DDR2: variants seen among roughly 807,000 people sequenced by gnomAD.
DDR2 encodes the protein discoidin domain-containing receptor 2.
A neutral mutation model predicts 94.9 loss-of-function variants in DDR2; 27 were observed. The ratio of observed to expected loss-of-function variants is 0.28; its 90% CI spans 0.21 to 0.39. DDR2 has a LOEUF of 0.39. DDR2 is among the 10% of genes least tolerant of loss of function. DDR2 has a pLI of 1.00. For missense variants in DDR2, 783 were observed against 1,076.0 expected (o/e 0.73, Z 3.81); for synonymous variants, 382 against 377.2 (o/e 1.01, Z -0.15).
At chr1:162,762,158 A>G (rs995016602) in intron 9 of DDR2, among the ~76,000 whole-genome samples, 1 of 151,938 alleles carries the variant, frequency 6.6e-6, no homozygotes, top group African/African-American at 2.4e-5. Context: ...TCTTTATTCT[A>G]TTTGCTCTGT....
At chr1:162,695,389 G>A (rs1270273728) in intron 2 of DDR2, among the ~76,000 whole-genome samples, 4 of 152,032 alleles carry the variant, frequency 2.6e-5, no homozygotes, top group African/African-American at 4.8e-5. Flanking sequence ...TAGCCACCAC[G>A]CCGGCTAATT....
intron 3 of DDR2, among the ~76,000 whole-genome samples, chr1:162,730,855 C>T (rs1662006399): frequency 6.6e-6 from 1 of 152,208 alleles, no homozygotes; most frequent in African/African-American, 2.4e-5. Flanking sequence ...GAGTGAGATA[C>T]ACTGCATGCT....
chr1:162,720,424 T>C (rs1346984111), intron 3 of DDR2, among the ~76,000 whole-genome samples: 1 of 150,782 alleles, frequency 6.6e-6, no homozygotes, highest in Non-Finnish European at 1.5e-5. Context: ...ATAAATACTC[T>C]TTGTGTCTGG....
chr1:162,710,733 A>T (rs965770957), intron 2 of DDR2, among the ~76,000 whole-genome samples: 2 of 150,030 alleles, frequency 1.3e-5, no homozygotes, highest in Non-Finnish European at 3.0e-5. Flanking sequence ...AATCTTCAAC[A>T]CACACAAATG....
intron 2 of DDR2, among the ~76,000 whole-genome samples, chr1:162,655,792 A>T (rs970168726): frequency 1.3e-5 from 2 of 152,120 alleles, no homozygotes; most frequent in Non-Finnish European, 2.9e-5. Context: ...TATTTTTAAC[A>T]ATTATTTTAT....
chr1:162,686,725 A>ATACCCAG (rs1659707745), intron 2 of DDR2, among the ~76,000 whole-genome samples: 1 of 152,178 alleles, frequency 6.6e-6, no homozygotes, highest in Admixed American at 6.5e-5. Context: ...TCCTTTCGAT[A>ATACCCAG]TATACCCAGT....
intron 2 of DDR2, among the ~76,000 whole-genome samples, chr1:162,663,482 T>C (rs138989043): frequency 6.6e-6 from 1 of 152,306 alleles, no homozygotes; most frequent in African/African-American, 2.4e-5. Context: ...TCCATGTAAG[T>C]AACAAAGAAC....
chr1:162,753,886 C>G (rs898863447), intron 4 of DDR2, among the ~76,000 whole-genome samples: 2 of 152,086 alleles, frequency 1.3e-5, no homozygotes, highest in Non-Finnish European at 1.5e-5. Flanking sequence ...TCCTGATGAA[C>G]CTTTCCCCTT....
At chr1:162,750,945 G>A (rs544695290) in intron 3 of DDR2, among the ~76,000 whole-genome samples, 6 of 152,300 alleles carry the variant, frequency 3.9e-5, no homozygotes, top group South Asian at 2.1e-4. Flanking sequence ...CTAGCCATAC[G>A]TAGAAAGCTG....
chr1:162,692,460 C>T (rs1267512197), intron 2 of DDR2, among the ~76,000 whole-genome samples: 1 of 152,092 alleles, frequency 6.6e-6, no homozygotes, highest in African/African-American at 2.4e-5. Flanking sequence ...GGACCTCTCA[C>T]AAATCAATAA....
At chr1:162,646,087 A>T (rs923281499) in intron 1 of DDR2, among the ~76,000 whole-genome samples, 2 of 152,358 alleles carry the variant, frequency 1.3e-5, no homozygotes, top group African/African-American at 4.8e-5. Flanking sequence ...CTATGTCCAG[A>T]TTGATCCTTG....
chr1:162,657,031 G>T, intron 2 of DDR2, among the ~76,000 whole-genome samples: 1 of 151,006 alleles, frequency 6.6e-6, no homozygotes. Flanking sequence ...TGGAGATGAG[G>T]GTCTCACTAT....
intron 15 of DDR2, 44 bp downstream of exon 15, chr1:162,775,887 G>A (rs1363843550): frequency 6.2e-7 from 1 of 1,609,868 alleles, no homozygotes. Flanking sequence ...GGTCATGAGA[G>A]TAACCTGGGA....
intron 15 of DDR2, 136 bp from the exon 16 acceptor site, chr1:162,776,000 C>A: frequency 3.1e-6 from 4 of 1,305,868 alleles, no homozygotes; most frequent in Non-Finnish European, 4.4e-6. Flanking sequence ...TTTGGGGAAA[C>A]GCAAGGGATT....
chr1:162,687,839 ACATATGCCAAG>A (rs1659761546), intron 2 of DDR2, among the ~76,000 whole-genome samples: 3 of 152,202 alleles, frequency 2.0e-5, no homozygotes, highest in African/African-American at 7.2e-5. Flanking sequence ...TATTTAGGGC[ACATATGCCAAG>A]CATTAATGGG....
At chr1:162,693,354 G>A (rs1168390555) in intron 2 of DDR2, among the ~76,000 whole-genome samples, 1 of 152,202 alleles carries the variant, frequency 6.6e-6, no homozygotes, top group Non-Finnish European at 1.5e-5. Context: ...GCTTCTGCAT[G>A]AAAGTATTAG....
Position 162,755,156 on chromosome 1 carries a change from G to T in DDR2, c.418G>T (p.Val140Leu), listed in dbSNP as rs756623313. The T allele has an allele frequency of 1.9e-5, 31 of 1,614,044 alleles. No homozygotes were observed. The South Asian group carries it at 3.4e-4, about 18-fold the overall frequency. The change falls in exon 6 of 18, where the codon GTG becomes TTG. Residue 140 changes from valine (V) to leucine (L), a missense_variant and splice_region_variant. Physicochemically the swap from Val to Leu is conservative, Grantham distance 32. Transcript: ENST00000367921. ...CACTCATTCTCTTCTCTCTCCTCAG[G>T]TGCTGGATGGAAATAGTAACCCCTA... ...ISWRNRHGKQVLDGNSNPYDI... is the reference protein window; with the variant it reads ...ISWRNRHGKQLLDGNSNPYDI...
chr1:162,768,012 TC>T, intron 11 of DDR2, among the ~76,000 whole-genome samples: 1 of 152,344 alleles, frequency 6.6e-6, no homozygotes, highest in Admixed American at 6.5e-5. Flanking sequence ...GCAGAATTTT[TC>T]CTCATGCATA....
At chr1:162,689,841 TTAAAA>T (rs1178889973) in intron 2 of DDR2, among the ~76,000 whole-genome samples, 6 of 14,700 alleles carry the variant, frequency 4.1e-4, no homozygotes, top group East Asian at 4.2e-3. Context: ...CCATCTCTAC[TTAAAA>T]AAAAAAAAAA....
Sources: allele counts gnomAD v4.1 joint callset (sites outside exome capture counted in the v4.1 genomes callset), GRCh38; gene constraint gnomAD v4.1.1; transcripts MANE v1.5; gene names NCBI Gene and HGNC (gene_info 2026-07-23, HGNC 2026-07-21).